The following CPVL variants were observed in gnomAD, a reference collection of about 807,000 sequenced individuals.
CPVL encodes carboxypeptidase vitellogenic like, also known as probable serine carboxypeptidase CPVL.
In CPVL, 51 loss-of-function variants were observed where a neutral mutation model predicts 63.7. That is an observed-to-expected ratio of 0.80 (90% CI 0.64 to 1.01). The LOEUF (loss-of-function observed/expected upper bound fraction) is 1.01. CPVL is among the 50% of genes least tolerant of loss of function. CPVL has a pLI of 0.00. For synonymous variants in CPVL, 195 were observed against 206.0 expected, an observed-to-expected ratio of 0.95 and a Z score of 0.46; for missense variants, 530 against 573.1, an observed-to-expected ratio of 0.92 and a Z score of 0.77.
chr7:29,090,246 G>A (rs563235028), intron 6 of CPVL, among the ~76,000 whole-genome samples: 18 of 126,332 alleles, frequency 1.4e-4, no homozygotes, highest in Admixed American at 1.4e-3. Flanking sequence ...GCACTGGACC[G>A]ATACAAGCTC....
intron 5 of CPVL, among the ~76,000 whole-genome samples, chr7:29,156,839 C>T (rs1352705620): frequency 1.3e-5 from 2 of 152,006 alleles, no homozygotes; most frequent in South Asian, 2.1e-4. Flanking sequence ...GGATTATGCA[C>T]CTGGAGATCT....
chr7:29,135,381 G>C (rs1791099097), intron 1 of CPVL, among the ~76,000 whole-genome samples: 2 of 151,830 alleles, frequency 1.3e-5, no homozygotes, highest in South Asian at 4.2e-4. Context: ...GCCCAGGCTG[G>C]AGTGCAGTGG....
chr7:29,117,249 T>TG, intron 2 of CPVL, among the ~76,000 whole-genome samples: 1 of 152,186 alleles, frequency 6.6e-6, no homozygotes. Flanking sequence ...CTACCTCCCT[T>TG]GGAATCTTTC....
chr7:29,160,254 G>A (rs1306809839), intron 5 of CPVL, among the ~76,000 whole-genome samples: 1 of 152,122 alleles, frequency 6.6e-6, no homozygotes, highest in East Asian at 1.9e-4. Flanking sequence ...AGATGTTCAC[G>A]GTGACAGACA....
At chr7:29,189,212 A>G (rs1799097112) in intron 1 of CPVL, among the ~76,000 whole-genome samples, 1 of 152,112 alleles carries the variant, frequency 6.6e-6, no homozygotes, top group East Asian at 1.9e-4. Flanking sequence ...TCAGCCTCCC[A>G]AAGGGCTGGG....
intron 1 of CPVL, among the ~76,000 whole-genome samples, chr7:29,144,486 G>A (rs1792237169): frequency 1.3e-5 from 2 of 152,106 alleles, no homozygotes; most frequent in Admixed American, 6.6e-5. Context: ...CCTTGAACCC[G>A]GGAGATGGAG....
At chr7:29,152,165 A>G in intron 5 of CPVL, among the ~76,000 whole-genome samples, 1 of 152,202 alleles carries the variant, frequency 6.6e-6, no homozygotes, top group East Asian at 1.9e-4. Context: ...ACATCACCAA[A>G]TAAAGGAATA....
At chr7:29,140,387 G>C (rs1242770516) in intron 1 of CPVL, among the ~76,000 whole-genome samples, 2 of 152,222 alleles carry the variant, frequency 1.3e-5, no homozygotes, top group Non-Finnish European at 2.9e-5. Flanking sequence ...AGTAAAGGGT[G>C]AGACACTTTG....
At chr7:29,166,725 T>C (rs1289539523) in intron 5 of CPVL, among the ~76,000 whole-genome samples, 2 of 152,160 alleles carry the variant, frequency 1.3e-5, no homozygotes, top group Non-Finnish European at 2.9e-5. Flanking sequence ...ATTTCTATAA[T>C]TAATAATTTG....
chr7:29,157,301 T>G (rs1007993399), intron 5 of CPVL, among the ~76,000 whole-genome samples: 3 of 152,072 alleles, frequency 2.0e-5, no homozygotes, highest in African/African-American at 4.8e-5. Context: ...TACTGCATCT[T>G]TAATCAACCT....
chr7:29,013,367 T>C (rs1230336787), intron 12 of CPVL: 1 of 148,756 alleles, frequency 6.7e-6, no homozygotes, highest in Admixed American at 6.6e-5. Flanking sequence ...TTGAAGCCAC[T>C]AAGTTTTGGA....
chr7:29,044,914 A>C lies in CPVL; in HGVS notation c.1138-14155T>G, dbSNP rs189367324. Among the ~76,000 whole-genome samples, 122 of 152,288 alleles carry C rather than the reference A, an allele frequency of 8.0e-4. 1 individual carries two copies. Among genetic ancestry groups the C allele is most frequent in the Non-Finnish European group, 6.3e-4 (43 of 68,036 alleles). On this transcript the variant is annotated intron_variant, in intron 11 of 12. Coordinates refer to ENST00000265394, the MANE Select transcript of CPVL (RefSeq NM_031311.5). Reference sequence around the variant, plus strand: ...ACTCTCACCATGCCATGTTTAAGTAACTCTAGATGAAATTCTACATTTCCT... The same window carrying C: ...ACTCTCACCATGCCATGTTTAAGTACCTCTAGATGAAATTCTACATTTCCT...
chr7:29,016,506 G>C (rs768524742), intron 12 of CPVL, among the ~76,000 whole-genome samples: 2 of 152,158 alleles, frequency 1.3e-5, no homozygotes, highest in Non-Finnish European at 2.9e-5. Flanking sequence ...AAGCTTCAGG[G>C]TGGCGTGCTC....
intron 1 of CPVL, among the ~76,000 whole-genome samples, chr7:29,141,169 T>C (rs1338227970): frequency 1.3e-5 from 2 of 152,204 alleles, no homozygotes; most frequent in Non-Finnish European, 1.5e-5. Context: ...GGAGCCTACA[T>C]GTGCAAACGC....
At chr7:29,167,783 T>A (rs1396073516) in intron 5 of CPVL, among the ~76,000 whole-genome samples, 1 of 152,228 alleles carries the variant, frequency 6.6e-6, no homozygotes, top group African/African-American at 2.4e-5. Context: ...TCCAAGCACA[T>A]AGTAGAAGGA....
chr7:29,156,198 G>A (rs148995145), intron 5 of CPVL, among the ~76,000 whole-genome samples: 1 of 152,260 alleles, frequency 6.6e-6, no homozygotes, highest in East Asian at 1.9e-4. Context: ...GGACTCGTCT[G>A]GTTTTGCCTG....
intron 1 of CPVL, chr7:29,122,786 A>T (rs1286861945): frequency 2.0e-5 from 3 of 152,076 alleles, no homozygotes; most frequent in Admixed American, 1.3e-4. Context: ...ATTATCATTA[A>T]TTTTTCTCTG....
chr7:29,146,845 C>T, upstream of CPVL: 1 of 1,551,044 alleles, frequency 6.4e-7, no homozygotes. Flanking sequence ...TTTCTGCACT[C>T]TAGGACTTAC....
chr7:29,025,875 G>A (rs924665077), intron 12 of CPVL, among the ~76,000 whole-genome samples: 1 of 152,098 alleles, frequency 6.6e-6, no homozygotes, highest in Non-Finnish European at 1.5e-5. Context: ...AATCATAGTC[G>A]AGGACTTCAA....
Sources: gnomAD v4.1 joint callset for allele counts (sites outside exome capture counted in the v4.1 genomes callset) on GRCh38, gnomAD v4.1.1 for gene constraint, MANE v1.5 for transcripts, NCBI Gene and HGNC (gene_info 2026-07-23, HGNC 2026-07-21) for gene names.